Variants in HAAO observed in about 807,000 individuals in gnomAD.
HAAO encodes 3-hydroxyanthranilate oxygenase.
In HAAO, 49 loss-of-function variants were observed where a neutral mutation model predicts 46.2. The observed-to-expected ratio is 1.06, with a 90% CI of 0.84 to 1.34. HAAO has a LOEUF of 1.34. Ranked by LOEUF, HAAO falls within the 40% of genes most tolerant of loss-of-function variation. The pLI is 0.00. For missense variants in HAAO, 408 were observed against 364.5 expected, an observed-to-expected ratio of 1.12 and a Z score of -0.97; for synonymous variants, 157 against 145.2, an observed-to-expected ratio of 1.08 and a Z score of -0.58.
intron 3 of HAAO, 96 bp from the exon 4 acceptor site, chr2:42,783,516 G>T (rs1040475917): frequency 2.5e-6 from 2 of 791,134 alleles, no homozygotes; most frequent in South Asian, 1.6e-5. Context: ...TGACCCCCGG[G>T]CAGCAAAGGG....
intron 4 of HAAO, among the ~76,000 whole-genome samples, chr2:42,781,972 G>C (rs971747858): frequency 1.3e-5 from 2 of 152,128 alleles, no homozygotes; most frequent in Admixed American, 6.6e-5. Flanking sequence ...TTAGTAAAAA[G>C]GGGAAACTGG....
intron 1 of HAAO, among the ~76,000 whole-genome samples, chr2:42,791,367 G>C (rs1672786814): frequency 6.6e-6 from 1 of 152,180 alleles, no homozygotes; most frequent in Non-Finnish European, 1.5e-5. Flanking sequence ...GGACTGAGAA[G>C]GAGCGACTGC....
At position 42,772,585 on chromosome 2, in the gene HAAO, T is replaced by C. The variant is rs115306537; in HGVS notation, c.351-2003A>G. ...GAAGTTTAGGTTTCATTAGGTTTCA[T>C]TGGTGACAGGACAATTTTTTTTGTT... On this transcript the variant is annotated intron_variant, in intron 4 of 9. Coordinates refer to ENST00000294973, the MANE Select transcript of HAAO (RefSeq NM_012205.3). Among the ~76,000 whole-genome samples, 658 of 152,286 alleles carry C rather than the reference T, an allele frequency of 4.3e-3. 1 individual carries two copies. The highest frequency in any genetic ancestry group is 0.014 in the African/African-American group (566 of 41,558).
intron 2 of HAAO, among the ~76,000 whole-genome samples, chr2:42,784,548 G>A (rs1254651380): frequency 0.013 from 948 of 73,552 alleles, 21 homozygotes; most frequent in African/African-American, 0.049. Flanking sequence ...GGGGGGGGGG[G>A]TTCCTACTGC....
rs1672056194 is a variant in HAAO at position 42,782,237 on chromosome 2, G to A, written c.350+1077C>T. Among the ~76,000 whole-genome samples, 6 of 152,166 alleles carry A rather than the reference G, an allele frequency of 3.9e-5. No individual in the cohort carries two copies. In the South Asian group the frequency reaches 1.2e-3, roughly 31 times the overall value. ...CTGAAGCCTGACAACTTAAACTTCA[G>A]AAGAAAATGTCAGCAACCAATTTAC... On this transcript the variant is annotated intron_variant, in intron 4 of 9. Transcript: ENST00000294973.
chr2:42,769,568 AATGTGTGTGT>A (rs2104636833), intron 7 of HAAO, 135 bp downstream of exon 7: 6 of 646,322 alleles, frequency 9.3e-6, no homozygotes, highest in South Asian at 2.2e-5. Context: ...CAACCTCTGA[AATGTGTGTGT>A]GTGTGTGTGT....
At chr2:42,776,561 T>C (rs1288077981) in intron 4 of HAAO, among the ~76,000 whole-genome samples, 1 of 151,378 alleles carries the variant, frequency 6.6e-6, no homozygotes, top group African/African-American at 2.4e-5. Flanking sequence ...AATCTCCCTC[T>C]AGCACCATCC....
At position 42,784,743 on chromosome 2, in the gene HAAO, G is replaced by T. The variant is rs190608653; in HGVS notation, c.160-876C>A. 5.9e-5 allele frequency among the ~76,000 whole-genome samples: 9 copies of T among 152,280 alleles called. No individual in the cohort carries two copies. In the East Asian group the frequency reaches 1.7e-3, roughly 29 times the overall value. ...TACTAAGAGAAACCAAGCTGACCTC[G>T]AGGGACCTAGAGAGATGTGGCTCTG... On this transcript the variant is annotated intron_variant, in intron 2 of 9. Transcript: ENST00000294973.
chr2:42,769,516 TC>T (rs1377692451), intron 7 of HAAO, among the ~76,000 whole-genome samples, 196 bp downstream of exon 7: 1 of 152,178 alleles, frequency 6.6e-6, no homozygotes, highest in African/African-American at 2.4e-5. Context: ...GCCATCGCCT[TC>T]TGCGTCAGGG....
intron 4 of HAAO, among the ~76,000 whole-genome samples, chr2:42,776,003 G>A (rs1671543816): frequency 1.3e-5 from 2 of 151,390 alleles, no homozygotes; most frequent in African/African-American, 4.9e-5. Context: ...TAGATACTTA[G>A]AAATGTCTTT....
At position 42,783,330 on chromosome 2, in the gene HAAO, C is replaced by G. The variant is rs535861822; in HGVS notation, c.334G>C (p.Glu112Gln). 4 of 1,608,920 alleles carry G rather than the reference C, an allele frequency of 2.5e-6. No homozygotes were observed. The South Asian group carries it at 3.3e-5, about 13-fold the overall frequency. Residue 112 changes from glutamate (E) to glutamine (Q), a missense_variant, in exon 4 of 10, where the codon GAG becomes CAG. Transcript: ENST00000294973. Reference sequence around the variant, plus strand: ...AGAATTTACCTGAGCCCATCTAGCTCGGTCTCCAGCCGCCTTCGCTCAACC... The same window carrying G: ...AGAATTTACCTGAGCCCATCTAGCTGGGTCTCCAGCCGCCTTCGCTCAACC... ...LVVERRRLET[E>Q]LDGLRYYVGD...
At chr2:42,768,356 C>A (rs1670830032) in intron 7 of HAAO, among the ~76,000 whole-genome samples, 1 of 152,192 alleles carries the variant, frequency 6.6e-6, no homozygotes. Context: ...ATGCACCAGC[C>A]TGGAAGCACA....
At chr2:42,788,025 G>A (rs1315721373) in intron 2 of HAAO, among the ~76,000 whole-genome samples, 2 of 152,002 alleles carry the variant, frequency 1.3e-5, no homozygotes, top group African/African-American at 4.8e-5. Flanking sequence ...TTCAGCTCCA[G>A]GCACCTCCCT....
At chr2:42,768,882 C>T (rs932260843) in intron 7 of HAAO, among the ~76,000 whole-genome samples, 1 of 152,196 alleles carries the variant, frequency 6.6e-6, no homozygotes, top group East Asian at 1.9e-4. Context: ...CACCCCCAAG[C>T]CCCGCCTCTG....
chr2:42,778,949 A>C (rs1057394620), intron 4 of HAAO, among the ~76,000 whole-genome samples: 2 of 152,048 alleles, frequency 1.3e-5, no homozygotes, highest in Non-Finnish European at 2.9e-5. Flanking sequence ...CCTTGTCTCT[A>C]CTAGAAATAC....
At chr2:42,773,583 A>ATTTT (rs58425059) in intron 4 of HAAO, among the ~76,000 whole-genome samples, 2 of 123,118 alleles carry the variant, frequency 1.6e-5, no homozygotes, top group African/African-American at 3.1e-5. Flanking sequence ...CCTACCCCCT[A>ATTTT]TTTTTTTTTT....
In HAAO at chr2:42,767,245, G is replaced by A. The variant is rs569563217; in HGVS notation, c.*192C>T. 4.9e-6 allele frequency: 3 copies of A among 616,518 alleles called. No individual in the cohort carries two copies. In the African/African-American group the frequency reaches 5.5e-5, roughly 11 times the overall value. 38.2% of individuals were successfully genotyped at this position (616,518 alleles called of 1,614,324 possible). On this transcript the variant is annotated 3_prime_UTR_variant, in exon 10 of 10. Coordinates refer to ENST00000294973, the MANE Select transcript of HAAO (RefSeq NM_012205.3). ...CTGAGTCTGCCAGAGAAGATGGGGA[G>A]CTGCTGCCCGCCCAGGGGCATGGCA...
At chr2:42,786,794 G>A (rs756017534) in intron 2 of HAAO, among the ~76,000 whole-genome samples, 3 of 152,212 alleles carry the variant, frequency 2.0e-5, no homozygotes, top group South Asian at 2.1e-4. Flanking sequence ...TACCCTGACC[G>A]CTATTGCAGA....
chr2:42,786,931 G>A (rs182981479), intron 2 of HAAO, among the ~76,000 whole-genome samples: 34 of 152,260 alleles, frequency 2.2e-4, no homozygotes, highest in Non-Finnish European at 2.1e-4. Context: ...CTTCCACAGC[G>A]CATCCTGGAG....
Sources: allele counts gnomAD v4.1 joint callset (sites outside exome capture counted in the v4.1 genomes callset), GRCh38; gene constraint gnomAD v4.1.1; transcripts MANE v1.5; gene names NCBI Gene and HGNC (gene_info 2026-07-23, HGNC 2026-07-21).